Variants in ABCD4 observed in about 807,000 individuals in gnomAD.
ABCD4 encodes the protein ATP binding cassette subfamily D member 4, also known as lysosomal cobalamin transporter ABCD4.
Under a neutral mutation model 86.3 loss-of-function variants are expected in ABCD4, and 53 were observed. That is an observed-to-expected ratio of 0.61 (90% confidence interval 0.49 to 0.77). ABCD4 has a LOEUF of 0.77. Ranked by LOEUF, ABCD4 falls within the 30% of genes least tolerant of loss-of-function variation. ABCD4 has a pLI of 0.00. For synonymous variants in ABCD4, 328 were observed against 313.6 expected, an observed-to-expected ratio of 1.05 and a Z score of -0.49; for missense variants, 757 against 764.5, an observed-to-expected ratio of 0.99 and a Z score of 0.12.
chr14:74,300,286 A>G lies in ABCD4; in HGVS notation c.39-18T>C. The G allele has an allele frequency of 1.3e-6, 2 of 1,544,798 alleles. No individual in the cohort carries two copies. The highest frequency in any genetic ancestry group is 2.2e-5 in the South Asian group (2 of 89,524). ...ACCTGGGCCTGAAGAGAAGGTGGGG[A>G]GGCAGAGAAAAGCCCAAGACAATAA... On this transcript the variant is annotated intron_variant, in intron 1 of 18. Transcript: ENST00000356924.
At chr14:74,301,517 C>A (rs143411879) in intron 1 of ABCD4, among the ~76,000 whole-genome samples, 2 of 152,086 alleles carry the variant, frequency 1.3e-5, no homozygotes, top group African/African-American at 2.4e-5. Context: ...AGGAAATCCA[C>A]AGAGAAGTGG....
At chr14:74,292,945 G>A in intron 8 of ABCD4, 76 bp from the exon 9 acceptor site, 1 of 1,599,122 alleles carries the variant, frequency 6.3e-7, no homozygotes, top group Middle Eastern at 1.7e-4. Flanking sequence ...AAGACAGGGA[G>A]CAGGACGCCA....
intron 2 of ABCD4, 76 bp downstream of exon 2, chr14:74,300,063 CAAAAAAAAAAA>C (rs10557205): frequency 2.2e-4 from 71 of 329,084 alleles, no homozygotes; most frequent in African/African-American, 1.8e-3. Flanking sequence ...AACTCTGTCT[CAAAAAAAAAAA>C]AAAAAAAAAA....
At chr14:74,290,584 C>A (rs906716826) in intron 11 of ABCD4, 85 bp from the exon 12 acceptor site, 2 of 1,040,734 alleles carry the variant, frequency 1.9e-6, no homozygotes, top group Non-Finnish European at 1.5e-6. Flanking sequence ...GGAGCCACCA[C>A]CTGTGGATTA....
intron 1 of ABCD4, among the ~76,000 whole-genome samples, chr14:74,302,530 C>A (rs937432945): frequency 2.0e-5 from 3 of 152,158 alleles, no homozygotes; most frequent in Non-Finnish European, 4.4e-5. Context: ...AAACAAGGAG[C>A]CTTGCATTGG....
chr14:74,293,371 A>C lies in ABCD4; in HGVS notation c.720-123T>G, dbSNP rs74063819. 0.018 allele frequency: 15,021 copies of C among 822,570 alleles called. 1,557 individuals are homozygous for C. In the African/African-American group the frequency reaches 0.23, roughly 12 times the overall value. The allele number at this position is 822,570 out of a possible 1,614,324, so 51.0% of individuals were successfully genotyped here. On this transcript the variant is annotated intron_variant, in intron 7 of 18. Coordinates refer to ENST00000356924, the MANE Select transcript of ABCD4 (RefSeq NM_005050.4). The stretch of plus-strand genomic sequence containing the variant: ...CCATTCAAATGATCTTGGTCTCAGG[A>C]TCTGTCTACTGGTAGCGCCCATTCA...
chr14:74,296,469 G>A lies in ABCD4; in HGVS notation c.426-20C>T, dbSNP rs1372753868. Reference sequence around the variant, plus strand: ...TGGTCCCTGGAGCCAATGACACAGAGTAGCTGGACCCAGGGAGATGGGCCC... The same window carrying A: ...TGGTCCCTGGAGCCAATGACACAGAATAGCTGGACCCAGGGAGATGGGCCC... On this transcript the variant is annotated intron_variant, in intron 4 of 18. Transcript: ENST00000356924. 6.2e-7 allele frequency: 1 copy of A among 1,612,446 alleles called. No homozygotes were observed. Among genetic ancestry groups the A allele is most frequent in the South Asian group, 1.1e-5 (1 of 91,030 alleles).
chr14:74,290,990 A>G (rs1354558393), intron 11 of ABCD4, among the ~76,000 whole-genome samples: 1 of 152,096 alleles, frequency 6.6e-6, no homozygotes, highest in Non-Finnish European at 1.5e-5. Context: ...GGGTCTTTAA[A>G]GAGATGATGT....
chr14:74,296,562 C>T (rs2082926221), intron 4 of ABCD4, 113 bp from the exon 5 acceptor site: 3 of 917,208 alleles, frequency 3.3e-6, no homozygotes. Flanking sequence ...GTGCTGTGAA[C>T]ACTGACCCTA....
rs780481912 is a variant in ABCD4 at position 74,286,718 on chromosome 14, G to A, written c.1735C>T (p.Arg579Trp). The change falls in exon 18 of 19, where the codon CGG becomes TGG. Residue 579 changes from arginine (R) to tryptophan (W), a missense_variant. Transcript: ENST00000356924. Reference sequence around the variant, plus strand: ...ACGGGTACCTTCTCAAGGCTCTGCCGATGTCCCACACTGATGAACGTCATC... The same window carrying A: ...ACGGGTACCTTCTCAAGGCTCTGCCAATGTCCCACACTGATGAACGTCATC... ...LGMTFISVGHRQSLEKFHSLV... is the reference protein window; with the variant it reads ...LGMTFISVGHWQSLEKFHSLV... 21 of 1,613,966 alleles carry A rather than the reference G, an allele frequency of 1.3e-5. No individual in the cohort carries two copies. The highest frequency in any genetic ancestry group is 6.7e-5 in the African/African-American group (5 of 74,930).
intron 1 of ABCD4, among the ~76,000 whole-genome samples, chr14:74,301,616 T>G (rs1379744882): frequency 6.6e-6 from 1 of 152,214 alleles, no homozygotes; most frequent in East Asian, 1.9e-4. Context: ...GGCTCACGTC[T>G]GTAATTCCTT....
chr14:74,296,428 G>A lies in ABCD4; in HGVS notation c.447C>T (p.Asp149=), dbSNP rs143479125. ...IDNPDQRISQ[D]VERFCRQLSS... ...TGAGCTGCCGGCAGAATCGCTCCAC[G>A]TCCTGGCTGATGCGCTGGTCCCTGG... The change falls in exon 5 of 19, where the codon GAC becomes GAT. Residue 149 remains aspartate (D), a synonymous_variant. Transcript: ENST00000356924. The A allele has an allele frequency of 8.7e-5, 140 of 1,613,946 alleles. No homozygotes were observed. Among genetic ancestry groups the A allele is most frequent in the East Asian group, 6.7e-5 (3 of 44,886 alleles).
Position 74,300,226 on chromosome 14 carries a change from T to G in ABCD4, c.81A>C (p.Ile27=), listed in dbSNP as rs1181897931. 2 of 1,613,844 alleles carry G rather than the reference T, an allele frequency of 1.2e-6. No homozygotes were observed. The highest frequency in any genetic ancestry group is 3.3e-5 in the Admixed American group (2 of 59,968). Residue 27 remains isoleucine (I), a synonymous_variant, in exon 2 of 19, where the codon ATA becomes ATC. Coordinates refer to ENST00000356924, the MANE Select transcript of ABCD4 (RefSeq NM_005050.4). ...ACCAAGAAGGAAACAAAACCTTCAG[T>G]ATCTGCAGGAACCGCTGGAGAAATT... ...DLQFLQRFLQ[I]LKVLFPSWSS...
chr14:74,301,450 G>C (rs1017807227), intron 1 of ABCD4, among the ~76,000 whole-genome samples: 1 of 113,342 alleles, frequency 8.8e-6, no homozygotes, highest in African/African-American at 4.7e-5. Context: ...GTGAGCCACC[G>C]GGCATGGCCA....
Position 74,287,900 on chromosome 14 carries a change from G to A in ABCD4, c.1560-14C>T. On this transcript the variant is annotated splice_polypyrimidine_tract_variant and intron_variant, in intron 16 of 18. Transcript: ENST00000356924. ...AGAACATCATACCTGAGGAAAGGTA[G>A]GAGAGAGGACTGCTAGAGGAGGAAG... is the stretch of plus-strand genomic sequence containing the variant. 1 of 1,607,806 alleles carries A rather than the reference G, an allele frequency of 6.2e-7. No individual in the cohort carries two copies. The highest frequency in any genetic ancestry group is 2.2e-5 in the East Asian group (1 of 44,688).
At position 74,302,921 on chromosome 14, in the gene ABCD4, A is replaced by C; in HGVS notation, c.-9T>G. ...GGCCCCGCGACCGCCATGACCTGAG[A>C]CCCGAGGGACTCTGGAGCCCAGCTG... On this transcript the variant is annotated 5_prime_UTR_variant, in exon 1 of 19. Coordinates refer to ENST00000356924, the MANE Select transcript of ABCD4 (RefSeq NM_005050.4). 1 of 1,606,960 alleles carries C rather than the reference A, an allele frequency of 6.2e-7. No individual in the cohort carries two copies. The highest frequency in any genetic ancestry group is 8.5e-7 in the Non-Finnish European group (1 of 1,177,060).
chr14:74,295,780 A>C, intron 6 of ABCD4, 74 bp downstream of exon 6: 1 of 1,590,952 alleles, frequency 6.3e-7, no homozygotes, highest in Non-Finnish European at 8.6e-7. Context: ...ATTTGAACTT[A>C]GGCAGTTTTA....
intron 4 of ABCD4, 105 bp downstream of exon 4, chr14:74,297,825 C>G: frequency 3.4e-6 from 5 of 1,473,404 alleles, no homozygotes; most frequent in Middle Eastern, 2.5e-4. Flanking sequence ...CATTTGAAAA[C>G]GACTGCAGAT....
chr14:74,292,036 C>A (rs2081622438), intron 11 of ABCD4, among the ~76,000 whole-genome samples: 2 of 152,190 alleles, frequency 1.3e-5, no homozygotes, highest in Non-Finnish European at 2.9e-5. Flanking sequence ...GAGGACACTG[C>A]AGATTCCTGT....
Sources: allele counts gnomAD v4.1 joint callset (sites outside exome capture counted in the v4.1 genomes callset), GRCh38; gene constraint gnomAD v4.1.1; transcripts MANE v1.5; gene names NCBI Gene and HGNC (gene_info 2026-07-23, HGNC 2026-07-21).